The following SH3PXD2B variants were observed in gnomAD, a reference collection of about 807,000 sequenced individuals.
The protein encoded by SH3PXD2B is SH3 and PX domain-containing protein 2B.
A neutral mutation model predicts 73.1 loss-of-function variants in SH3PXD2B; 37 were observed. The observed-to-expected ratio is 0.51, with a 90% CI of 0.39 to 0.67. The LOEUF is 0.67. Among genes scored for constraint, SH3PXD2B ranks in the 30% least tolerant of loss-of-function variants. The pLI is 0.00. For synonymous variants in SH3PXD2B, 457 were observed against 480.5 expected (o/e 0.95, Z 0.64); for missense variants, 1,053 against 1,197.8 (o/e 0.88, Z 1.78).
chr5:172,405,149 T>C (rs1236080967), intron 3 of SH3PXD2B, among the ~76,000 whole-genome samples: 6 of 152,248 alleles, frequency 3.9e-5, no homozygotes, highest in Non-Finnish European at 8.8e-5. Flanking sequence ...TTTGGAGGGA[T>C]GGAGACTGAC....
intron 4 of SH3PXD2B, among the ~76,000 whole-genome samples, chr5:172,390,121 C>T (rs537824052): frequency 6.6e-6 from 1 of 152,322 alleles, no homozygotes; most frequent in East Asian, 1.9e-4. Flanking sequence ...CAGAGTTGTG[C>T]AGCAATCACC....
chr5:172,330,102 C>T (rs1012623810), downstream of SH3PXD2B, among the ~76,000 whole-genome samples: 3 of 152,036 alleles, frequency 2.0e-5, no homozygotes, highest in African/African-American at 7.3e-5. Flanking sequence ...GAATACACAC[C>T]GGTTGAGCTC....
intron 5 of SH3PXD2B, among the ~76,000 whole-genome samples, chr5:172,376,016 T>C (rs551356237): frequency 7.9e-4 from 120 of 151,894 alleles, no homozygotes; most frequent in South Asian, 3.3e-3. Flanking sequence ...TTGACAATAC[T>C]TGTCATGTAT....
At chr5:172,331,308 G>A (rs1167848906), downstream of SH3PXD2B, among the ~76,000 whole-genome samples, 2 of 152,218 alleles carry the variant, frequency 1.3e-5, no homozygotes, top group Non-Finnish European at 2.9e-5. Context: ...TCAGGGTGGA[G>A]CATGCGGATT....
Position 172,338,704 on chromosome 5 carries a change from G to T in SH3PXD2B, c.2401C>A (p.Pro801Thr). 2 of 1,614,184 alleles carry T rather than the reference G, an allele frequency of 1.2e-6. No homozygotes were observed. Among genetic ancestry groups the T allele is most frequent in the Non-Finnish European group, 1.7e-6 (2 of 1,180,028 alleles). The change falls in exon 13 of 13, where the codon CCT becomes ACT. Residue 801 changes from proline to threonine, a missense_variant. Pro to Thr is a conservative substitution (Grantham distance 38). This residue lies in a region of SH3PXD2B where 587 missense variants were observed against 590.7 expected (regional missense o/e 0.99). Coordinates refer to ENST00000311601, the MANE Select transcript of SH3PXD2B (RefSeq NM_001017995.3). The surrounding 1 kb of genome is among the most constrained non-coding windows in gnomAD (Gnocchi z 5.1). ...APTPGRALLV[P>T]PKAKPFLSNS... ...GAGAGAAAAGGTTTGGCTTTTGGAG[G>T]GACGAGGAGAGCACGGCCTGGGGTG...
rs144781943 is a variant in SH3PXD2B, at chr5:172,416,630, CTTT to C, written c.156+5783_156+5785del. ...CGTGAGCCACTGCGCCCGGCCTCTACTTTTTTTTTTTTTTTTTTTAAAAAGGAC... is the reference window on the plus strand; with the variant it reads ...CGTGAGCCACTGCGCCCGGCCTCTACTTTTTTTTTTTTTTTTAAAAAGGAC... On this transcript the variant is annotated intron_variant, in intron 2 of 12. Transcript: ENST00000311601. Among the ~76,000 whole-genome samples the C allele has an allele frequency of 1.1e-4, 12 of 111,056 alleles. 1 individual carries two copies. The highest frequency in any genetic ancestry group is 3.4e-4 in the African/African-American group (10 of 29,082). 72.9% of individuals were successfully genotyped at this position (111,056 alleles called of 152,430 possible). A position where few individuals can be genotyped will look rare whatever the true frequency, so the allele number is the denominator to read the frequency against.
chr5:172,430,183 C>G (rs1108831), intron 1 of SH3PXD2B, among the ~76,000 whole-genome samples: 3,908 of 152,330 alleles, frequency 0.026, 73 homozygotes, highest in African/African-American at 0.053. Flanking sequence ...GAGAAACTGT[C>G]AGCAGCAGCA....
intron 3 of SH3PXD2B, among the ~76,000 whole-genome samples, chr5:172,404,864 A>G (rs4073413): frequency 0.48 from 72,901 of 152,026 alleles, 18,472 homozygotes; most frequent in East Asian, 0.69. Flanking sequence ...CTCCAGGCAC[A>G]AATTTTGGAG....
intron 3 of SH3PXD2B, among the ~76,000 whole-genome samples, chr5:172,398,920 A>G (rs777369317): frequency 2.0e-5 from 3 of 151,962 alleles, no homozygotes; most frequent in East Asian, 1.9e-4. Context: ...GCTTCATTAC[A>G]CTCCCTTACT....
At chr5:172,436,468 A>T (rs1280461494) in intron 1 of SH3PXD2B, among the ~76,000 whole-genome samples, 1 of 152,312 alleles carries the variant, frequency 6.6e-6, no homozygotes. Context: ...CCTTTAAAAC[A>T]TTTGAAAACC....
downstream of SH3PXD2B, among the ~76,000 whole-genome samples, chr5:172,333,348 G>A (rs1359627446): frequency 6.6e-6 from 1 of 151,986 alleles, no homozygotes; most frequent in Non-Finnish European, 1.5e-5. Flanking sequence ...AGAGAATGAA[G>A]GTGCACTATG....
At chr5:172,365,156 C>G (rs1757485848) in intron 6 of SH3PXD2B, among the ~76,000 whole-genome samples, 1 of 152,258 alleles carries the variant, frequency 6.6e-6, no homozygotes, top group Admixed American at 6.5e-5. Flanking sequence ...ATGAGGAGAA[C>G]AGAGGAAGAG....
Position 172,382,110 on chromosome 5 carries a change from G to A in SH3PXD2B, c.327C>T (p.Pro109=). 1 of 1,608,980 alleles carries A rather than the reference G, an allele frequency of 6.2e-7. No individual in the cohort carries two copies. Among genetic ancestry groups the A allele is most frequent in the Non-Finnish European group, 8.5e-7 (1 of 1,177,958 alleles). The change falls in exon 5 of 13, where the codon CCC becomes CCT. Residue 109 remains proline (P), a synonymous_variant. Coordinates refer to ENST00000311601, the MANE Select transcript of SH3PXD2B (RefSeq NM_001017995.3). ...DEYCKALIQL[P]PYISQCDEVL... ...CCTCATCACACTGAGAGATGTAGGG[G>A]GGCAGCTGGATGAGGGCCTGGAGAA...
intron 5 of SH3PXD2B, among the ~76,000 whole-genome samples, chr5:172,376,945 C>A (rs1315735518): frequency 7.2e-5 from 11 of 152,200 alleles, no homozygotes; most frequent in African/African-American, 2.7e-4. Context: ...GACTGAAGCT[C>A]CCCTCTTGGC....
chr5:172,443,443 C>A lies in SH3PXD2B; in HGVS notation c.75+10835G>T, dbSNP rs560545876. Among the ~76,000 whole-genome samples, 89 of 152,338 alleles carry A rather than the reference C, an allele frequency of 5.8e-4. No individual in the cohort carries two copies. The South Asian group carries it at 0.018, about 30-fold the overall frequency. On this transcript the variant is annotated intron_variant, in intron 1 of 12. Coordinates refer to ENST00000311601, the MANE Select transcript of SH3PXD2B (RefSeq NM_001017995.3). The stretch of plus-strand genomic sequence containing the variant: ...CCCCACTGCTAGTCAGCTTTCCCAG[C>A]CCCTGAACACCCCTTTGCTTTTGAA...
At chr5:172,444,933 C>A (rs1008519950) in intron 1 of SH3PXD2B, among the ~76,000 whole-genome samples, 2 of 152,174 alleles carry the variant, frequency 1.3e-5, no homozygotes, top group Non-Finnish European at 2.9e-5. Flanking sequence ...CAGCCAGGAG[C>A]CCCCAGGTCC....
chr5:172,381,461 T>C (rs531025724), intron 5 of SH3PXD2B, among the ~76,000 whole-genome samples: 27 of 152,322 alleles, frequency 1.8e-4, no homozygotes, highest in Admixed American at 6.5e-4. Flanking sequence ...TAGAGTTTTA[T>C]GTGGTGTGCA....
intron 2 of SH3PXD2B, among the ~76,000 whole-genome samples, chr5:172,408,554 T>C (rs1056630784): frequency 2.7e-5 from 4 of 149,568 alleles, no homozygotes; most frequent in Non-Finnish European, 5.9e-5. Context: ...TTTTTTTTTT[T>C]TGAGATGGAG....
intron 4 of SH3PXD2B, among the ~76,000 whole-genome samples, chr5:172,392,729 G>A (rs974141860): frequency 3.9e-5 from 6 of 152,202 alleles, no homozygotes; most frequent in Non-Finnish European, 8.8e-5. Context: ...AGGTTGTAGT[G>A]AGCCGAGATG....
Sources: allele counts gnomAD v4.1 joint callset (sites outside exome capture counted in the v4.1 genomes callset), GRCh38; gene constraint gnomAD v4.1.1; regional missense constraint gnomAD v4.1.1; non-coding constraint Gnocchi (gnomAD v3.1); transcripts MANE v1.5; gene names NCBI Gene and HGNC (gene_info 2026-07-23, HGNC 2026-07-21).